VIRMA: variants seen among roughly 807,000 people sequenced by gnomAD.
The protein encoded by VIRMA is vir like m6A methyltransferase associated, also known as protein virilizer homolog.
Under a neutral mutation model 182.4 loss-of-function variants are expected in VIRMA, and 65 were observed. The observed-to-expected ratio is 0.36, with a 90% CI of 0.29 to 0.44. The LOEUF (loss-of-function observed/expected upper bound fraction) is 0.44, where lower values mean the gene tolerates loss of function less well. VIRMA is among the 20% of genes least tolerant of loss of function. The pLI, the probability that VIRMA is intolerant of heterozygous loss-of-function variation, is 1.00. For synonymous variants in VIRMA, 709 were observed against 743.1 expected, an observed-to-expected ratio of 0.95 and a Z score of 0.75; for missense variants, 1,752 against 2,158.1, an observed-to-expected ratio of 0.81 and a Z score of 3.73.
chr8:94,547,072 C>A (rs1349147993), intron 1 of VIRMA: 4 of 453,050 alleles, frequency 8.8e-6, no homozygotes, highest in Non-Finnish European at 1.8e-5. Flanking sequence ...TAGATAGGTG[C>A]CTCTCCTCCT....
Position 94,518,987 on chromosome 8 carries a change from C to A in VIRMA, c.2511G>T (p.Leu837Phe). ...TTAAGGAGTAAGTAGGAAATTACCCCAAGGCTTCTTTGGAATAGTACTCCA... is the reference window on the plus strand; with the variant it reads ...TTAAGGAGTAAGTAGGAAATTACCCAAAGGCTTCTTTGGAATAGTACTCCA... ...TLMEYYSKEA[L>F]GDSKSKKSVA... The change falls in exon 9 of 24, where the codon TTG (leucine) becomes TTT (phenylalanine). Residue 837 changes from leucine to phenylalanine, a missense_variant and splice_region_variant. By Grantham distance (22) the Leu-to-Phe change is conservative. This residue lies in a region of VIRMA where 777 missense variants were observed against 920.6 expected (regional missense o/e 0.84). Transcript: ENST00000297591. The A allele has an allele frequency of 1.3e-6, 2 of 1,594,840 alleles. No homozygotes were observed. Among genetic ancestry groups the A allele is most frequent in the South Asian group, 1.1e-5 (1 of 86,964 alleles).
Position 94,488,873 on chromosome 8 carries a change from G to T in VIRMA, c.5285-13C>A, listed in dbSNP as rs761062223. ...CTTGGGCGGTAACCTGTAAAAGAAAGAATACAGTTTTTAGTTCCAATGTCC... is the reference window on the plus strand; with the variant it reads ...CTTGGGCGGTAACCTGTAAAAGAAATAATACAGTTTTTAGTTCCAATGTCC... On this transcript the variant is annotated splice_polypyrimidine_tract_variant and intron_variant, in intron 23 of 23. Coordinates refer to ENST00000297591, the MANE Select transcript of VIRMA (RefSeq NM_015496.5). The T allele has an allele frequency of 6.2e-6, 10 of 1,607,304 alleles. No individual in the cohort carries two copies. Among genetic ancestry groups the T allele is most frequent in the Non-Finnish European group, 8.5e-6 (10 of 1,175,996 alleles).
At chr8:94,547,008 C>A (rs1265265738) in intron 1 of VIRMA, 1 of 455,228 alleles carries the variant, frequency 2.2e-6, no homozygotes, top group Non-Finnish European at 4.4e-6. Flanking sequence ...CATCCTTCTG[C>A]CCCAACTCCT....
intron 2 of VIRMA, 67 bp downstream of exon 2, chr8:94,543,760 C>T (rs1415881992): frequency 2.4e-6 from 2 of 843,748 alleles, no homozygotes; most frequent in African/African-American, 1.7e-5. Context: ...TACATTTTTG[C>T]ATTTAAGAAT....
Position 94,526,285 on chromosome 8 carries a change from G to GA in VIRMA, c.1958dup (p.Thr655AsnfsTer13), listed in dbSNP as rs750926598. On this transcript the variant is annotated frameshift_variant, in exon 8 of 24. Coordinates refer to ENST00000297591, the MANE Select transcript of VIRMA (RefSeq NM_015496.5). LOFTEE classifies it high-confidence loss of function. ...GTCCAGTAATTCGTGCCATCGTTGG[G>GA]AAAGACTTAACAGGTTGTTGGATCA... 1 of 1,614,034 alleles carries GA rather than the reference G, an allele frequency of 6.2e-7. No homozygotes were observed. The highest frequency in any genetic ancestry group is 8.5e-7 in the Non-Finnish European group (1 of 1,179,958).
At chr8:94,512,823 A>G (rs532820530) in intron 11 of VIRMA, among the ~76,000 whole-genome samples, 9 of 152,160 alleles carry the variant, frequency 5.9e-5, no homozygotes, top group Non-Finnish European at 1.2e-4. Context: ...ACTTCATTCA[A>G]AAGTGAGGAA....
intron 16 of VIRMA, among the ~76,000 whole-genome samples, chr8:94,501,335 A>G (rs937683870): frequency 6.6e-6 from 1 of 151,968 alleles, no homozygotes; most frequent in Non-Finnish European, 1.5e-5. Context: ...AATGAATCTA[A>G]CTATATTACA....
At chr8:94,507,808 G>A (rs1280184032) in intron 15 of VIRMA, among the ~76,000 whole-genome samples, 1 of 151,478 alleles carries the variant, frequency 6.6e-6, no homozygotes, top group African/African-American at 2.4e-5. Flanking sequence ...ATATCAGAAA[G>A]TTGGATGGAT....
chr8:94,548,106 CTAAG>C (rs1815838142), intron 1 of VIRMA, among the ~76,000 whole-genome samples: 1 of 148,734 alleles, frequency 6.7e-6, no homozygotes, highest in African/African-American at 2.5e-5. Flanking sequence ...TATAGAATAT[CTAAG>C]GAGAGAAACA....
intron 4 of VIRMA, among the ~76,000 whole-genome samples, chr8:94,536,861 C>T (rs77473976): frequency 0.031 from 4,731 of 152,246 alleles, 134 homozygotes; most frequent in African/African-American, 0.081. Flanking sequence ...CACCTCTAGT[C>T]CCAGCTACTC....
chr8:94,508,450 A>G (rs1351077365), intron 15 of VIRMA, among the ~76,000 whole-genome samples: 1 of 152,146 alleles, frequency 6.6e-6, no homozygotes, highest in Non-Finnish European at 1.5e-5. Context: ...ACTTCAATAT[A>G]CTGCAAACTC....
intron 2 of VIRMA, among the ~76,000 whole-genome samples, chr8:94,538,779 T>C (rs112790810): frequency 0.04 from 6,071 of 152,130 alleles, 133 homozygotes; most frequent in Non-Finnish European, 0.05. Flanking sequence ...GCCCAGCTGA[T>C]TTTTTTGTAT....
At chr8:94,538,815 T>C (rs977801028) in intron 2 of VIRMA, among the ~76,000 whole-genome samples, 4 of 152,172 alleles carry the variant, frequency 2.6e-5, no homozygotes, top group African/African-American at 7.2e-5. Context: ...GGTTTCGCTA[T>C]GTTAGCCAGG....
chr8:94,499,171 T>G, intron 17 of VIRMA: 1 of 371,836 alleles, frequency 2.7e-6, no homozygotes, highest in Non-Finnish European at 4.8e-6. Context: ...CGGCAAAGTA[T>G]TTCTCTTTTT....
intron 22 of VIRMA, among the ~76,000 whole-genome samples, chr8:94,491,286 C>T (rs915769143): frequency 1.3e-4 from 19 of 151,250 alleles, no homozygotes; most frequent in Non-Finnish European, 2.8e-4. Flanking sequence ...CGCACCCCAG[C>T]CTGGGCGACA....
intron 8 of VIRMA, among the ~76,000 whole-genome samples, chr8:94,524,456 C>A (rs1172373676): frequency 1.3e-5 from 2 of 152,068 alleles, no homozygotes; most frequent in African/African-American, 2.4e-5. Flanking sequence ...AGGCGCCCAC[C>A]ACCACACCCG....
intron 1 of VIRMA, among the ~76,000 whole-genome samples, chr8:94,550,719 T>C (rs1219427962): frequency 1.4e-5 from 2 of 147,622 alleles, no homozygotes; most frequent in African/African-American, 5.2e-5. Flanking sequence ...TATTTATTTA[T>C]GTATTTATTT....
At chr8:94,545,030 T>C (rs1010314227) in intron 1 of VIRMA, among the ~76,000 whole-genome samples, 6 of 152,060 alleles carry the variant, frequency 3.9e-5, no homozygotes, top group Non-Finnish European at 7.4e-5. Context: ...GGGGCTGAGG[T>C]AGGAGGATCA....
chr8:94,499,847 G>A (rs1046096865), intron 16 of VIRMA, among the ~76,000 whole-genome samples: 1 of 150,792 alleles, frequency 6.6e-6, no homozygotes. Flanking sequence ...GAGTTTAAGA[G>A]CAGCCTGGCC....
Sources: allele counts gnomAD v4.1 joint callset (sites outside exome capture counted in the v4.1 genomes callset), GRCh38; gene constraint gnomAD v4.1.1; regional missense constraint gnomAD v4.1.1; transcripts MANE v1.5; gene names NCBI Gene and HGNC (gene_info 2026-07-23, HGNC 2026-07-21).